Variants in MICAL3 observed in about 807,000 individuals in gnomAD.
The protein encoded by MICAL3 is [F-actin]-monooxygenase MICAL3.
Under a neutral mutation model 207.4 loss-of-function variants are expected in MICAL3, and 62 were observed. That is an observed-to-expected ratio of 0.30 (90% CI 0.24 to 0.37). The LOEUF is 0.37. MICAL3 is among the 10% of genes least tolerant of loss of function. The probability of loss-of-function intolerance (pLI) is 1.00; values close to 1 mark genes in which losing one functional copy is unlikely to be tolerated. For missense variants in MICAL3, 2,368 were observed against 2,635.6 expected (o/e 0.90, Z 2.22); for synonymous variants, 1,077 against 1,069.3 (o/e 1.01, Z -0.14).
intron 1 of MICAL3, among the ~76,000 whole-genome samples, chr22:17,994,660 C>G (rs391550): frequency 0.23 from 34,877 of 150,788 alleles, 4,677 homozygotes; most frequent in East Asian, 0.51. Flanking sequence ...TGCAGTGAGC[C>G]GAGATCATGC....
At chr22:17,890,876 G>A (rs1421445751) in intron 12 of MICAL3, among the ~76,000 whole-genome samples, 1 of 152,214 alleles carries the variant, frequency 6.6e-6, no homozygotes, top group Non-Finnish European at 1.5e-5. Context: ...GGTCACCCTA[G>A]AACTCTGATT....
At chr22:17,999,441 A>T (rs979597679) in intron 1 of MICAL3, among the ~76,000 whole-genome samples, 1 of 152,232 alleles carries the variant, frequency 6.6e-6, no homozygotes, top group Non-Finnish European at 1.5e-5. Flanking sequence ...TAATTTAAAA[A>T]CGGAGCATGC....
At chr22:17,833,172 C>A (rs1922995128) in intron 20 of MICAL3, among the ~76,000 whole-genome samples, 1 of 152,238 alleles carries the variant, frequency 6.6e-6, no homozygotes, top group Non-Finnish European at 1.5e-5. Context: ...GGAGGCAGGA[C>A]AGGAACAAAA....
At chr22:17,978,224 T>C (rs1041601556) in intron 1 of MICAL3, among the ~76,000 whole-genome samples, 1 of 152,178 alleles carries the variant, frequency 6.6e-6, no homozygotes, top group Admixed American at 6.5e-5. Flanking sequence ...AGGAATGAAA[T>C]TCTGACACAT....
chr22:17,963,964 C>T (rs114897878), intron 1 of MICAL3, among the ~76,000 whole-genome samples: 2,749 of 152,238 alleles, frequency 0.018, 82 homozygotes, highest in African/African-American at 0.062. Flanking sequence ...CTGAGACCCT[C>T]GCAAATTTTG....
chr22:17,822,101 T>C lies in MICAL3; in HGVS notation c.3377A>G (p.Glu1126Gly). The change falls in exon 24 of 32, where the codon GAA becomes GGA. Residue 1126 changes from glutamate (E) to glycine (G), a missense_variant. By Grantham distance (98) the Glu-to-Gly change is moderately conservative (BLOSUM62 -2). Coordinates refer to ENST00000441493, the MANE Select transcript of MICAL3 (RefSeq NM_015241.3). ...CGACACCCTCAGCTCCAGCTCTGCT[T>C]CCCCCTCAGCTGGGCACGGCAAACG... Reference protein sequence around the residue: ...ELRLPCPAEGEAELELRVSED... With the variant: ...ELRLPCPAEGGAELELRVSED... 6 of 1,613,838 alleles carry C rather than the reference T, an allele frequency of 3.7e-6. No individual in the cohort carries two copies. Among genetic ancestry groups the C allele is most frequent in the Non-Finnish European group, 5.1e-6 (6 of 1,179,874 alleles).
intron 29 of MICAL3, among the ~76,000 whole-genome samples, chr22:17,794,749 G>A (rs561064106): frequency 6.6e-6 from 1 of 152,316 alleles, no homozygotes; most frequent in Non-Finnish European, 1.5e-5. Flanking sequence ...ACGATGCTGG[G>A]AGGAGTGCTG....
chr22:17,837,401 T>C (rs538303504), intron 20 of MICAL3, among the ~76,000 whole-genome samples: 5 of 152,346 alleles, frequency 3.3e-5, no homozygotes, highest in African/African-American at 9.6e-5. Flanking sequence ...TCAGAAAACA[T>C]ACCTGTGTGT....
Position 17,891,613 on chromosome 22 carries a change from G to C in MICAL3, c.1566C>G (p.Ser522Arg). 1.9e-6 allele frequency: 3 copies of C among 1,613,976 alleles called. No individual in the cohort carries two copies. Among genetic ancestry groups the C allele is most frequent in the African/African-American group, 2.7e-5 (2 of 75,040 alleles). ...GCCTCTGGCACCAACCCAGCAGTTT[G>C]CTTGAACGAGCTACAGACTCTAAAA... ...LTRNESVARS[S>R]KLLGWCQRQT... is the part of the protein sequence containing the mutation. Residue 522 changes from serine to arginine, a missense_variant, in exon 12 of 32, where the codon AGC (serine) becomes AGG (arginine). Physicochemically the swap from Ser to Arg is moderately radical, Grantham distance 110. Around this residue, in one of 4 missense-constraint regions of MICAL3, gnomAD observed 147 missense variants for 137.7 expected, o/e 1.07. Transcript: ENST00000441493.
rs2061800838 is a variant in MICAL3, at chr22:17,788,052, A to C, written c.*2680T>G. ...GTATCCATCCTGCTTCCCTGCCTTC[A>C]AGGGAAGACTTAACTCTCCGAGAGA... On this transcript the variant is annotated 3_prime_UTR_variant, in exon 32 of 32. Transcript: ENST00000441493. 1 of 152,294 alleles carries C rather than the reference A, an allele frequency of 6.6e-6. No individual in the cohort carries two copies. The highest frequency in any genetic ancestry group is 1.5e-5 in the Non-Finnish European group (1 of 68,054). 9.4% of individuals were successfully genotyped at this position (152,294 alleles called of 1,614,324 possible). A position where few individuals can be genotyped will look rare whatever the true frequency, so the allele number is the denominator to read the frequency against.
At position 18,024,554 on chromosome 22, in the gene MICAL3, G is replaced by T. The variant is rs1006946577; in HGVS notation, c.-348C>A. ...GACTCCGCCGGGGCTGCAGGAGCGC[G>T]CGCTGCTGGCTGGGCGGGCTGCGGC... On this transcript the variant is annotated 5_prime_UTR_variant, in exon 1 of 32. Transcript: ENST00000441493. The T allele has an allele frequency of 2.0e-5, 3 of 151,742 alleles. No homozygotes were observed. The highest frequency in any genetic ancestry group is 7.2e-5 in the African/African-American group (3 of 41,388). The allele number at this position is 151,742 out of a possible 1,614,324, so 9.4% of individuals were successfully genotyped here.
chr22:17,882,264 G>C (rs944144556), intron 16 of MICAL3, among the ~76,000 whole-genome samples: 1 of 152,228 alleles, frequency 6.6e-6, no homozygotes, highest in Admixed American at 6.5e-5. Flanking sequence ...GGCAGGCTGA[G>C]CTGCTATTAT....
At chr22:17,940,582 G>A (rs1933762521) in intron 1 of MICAL3, among the ~76,000 whole-genome samples, 1 of 152,176 alleles carries the variant, frequency 6.6e-6, no homozygotes, top group Non-Finnish European at 1.5e-5. Context: ...GGAAGAATAT[G>A]ACAACTTTGA....
chr22:17,978,520 T>C (rs1160654757), intron 1 of MICAL3, among the ~76,000 whole-genome samples: 1 of 147,600 alleles, frequency 6.8e-6, no homozygotes, highest in Non-Finnish European at 1.5e-5. Context: ...CTGTACACTT[T>C]TTTTTTTTTT....
chr22:17,809,629 C>CAAACA (rs139352318), intron 28 of MICAL3, among the ~76,000 whole-genome samples: 28,715 of 151,666 alleles, frequency 0.19, 3,512 homozygotes, highest in Non-Finnish European at 0.28. Flanking sequence ...GACTCCGTCT[C>CAAACA]AAACAAAACA....
In MICAL3 at chr22:17,871,868, G is replaced by A. The variant is rs761756354; in HGVS notation, c.2397C>T (p.Arg799=). 4 of 1,610,672 alleles carry A rather than the reference G, an allele frequency of 2.5e-6. 1 individual carries two copies. The South Asian group carries it at 4.4e-5, about 18-fold the overall frequency. ...CGATGTCGTAGGCGTAGGCCGAGAG[G>A]CGCAGGGTGGTGGCGCAGTACTCGC... ...FKCEYCATTL[R]LSAYAYDIED... is the part of the protein sequence containing the mutation. Residue 799 remains arginine, a synonymous_variant, in exon 17 of 32, where the codon CGC becomes CGT. Coordinates refer to ENST00000441493, the MANE Select transcript of MICAL3 (RefSeq NM_015241.3).
At chr22:17,877,287 A>AGGGAGG (rs1928761651) in intron 16 of MICAL3, among the ~76,000 whole-genome samples, 1 of 133,394 alleles carries the variant, frequency 7.5e-6, no homozygotes. Flanking sequence ...TAGGGAGGTT[A>AGGGAGG]TGGAGGTTAG....
At chr22:17,933,153 A>C (rs1041334664) in intron 1 of MICAL3, among the ~76,000 whole-genome samples, 6 of 152,190 alleles carry the variant, frequency 3.9e-5, no homozygotes, top group African/African-American at 1.4e-4. Context: ...TCCACCCCAA[A>C]TCAACAGAAT....
chr22:17,842,452 C>A, intron 19 of MICAL3: 1 of 181,454 alleles, frequency 5.5e-6, no homozygotes, highest in Admixed American at 5.4e-5. Context: ...AATGCCTGCC[C>A]CGGGATCCAA....
Sources: allele counts gnomAD v4.1 joint callset (sites outside exome capture counted in the v4.1 genomes callset), GRCh38; gene constraint gnomAD v4.1.1; regional missense constraint gnomAD v4.1.1; transcripts MANE v1.5; gene names NCBI Gene and HGNC (gene_info 2026-07-23, HGNC 2026-07-21).